Variants in ARHGAP33 observed in about 807,000 individuals in gnomAD.
The protein encoded by ARHGAP33 is Rho GTPase activating protein 33.
ARHGAP33 carries 57 observed loss-of-function variants against 126.2 expected under a neutral mutation model. The ratio of observed to expected loss-of-function variants is 0.45; its 90% CI spans 0.36 to 0.56. The LOEUF (loss-of-function observed/expected upper bound fraction) is 0.56. ARHGAP33 is among the 20% of genes least tolerant of loss of function. The probability of loss-of-function intolerance (pLI) is 0.00; values close to 1 mark genes in which losing one functional copy is unlikely to be tolerated. For synonymous variants in ARHGAP33, 711 were observed against 755.0 expected, an observed-to-expected ratio of 0.94 and a Z score of 0.95; for missense variants, 1,500 against 1,748.3, an observed-to-expected ratio of 0.86 and a Z score of 2.53.
Position 35,781,081 on chromosome 19 carries a change from G to A in ARHGAP33, c.982+9G>A, listed in dbSNP as rs765284702. The stretch of plus-strand genomic sequence containing the variant: ...CAACTCAGGCCAGGATGGTGAGGCC[G>A]GGGCCCACCCACCCCACCCGTCACA... On this transcript the variant is annotated intron_variant, in intron 11 of 20. Transcript: ENST00000007510. The A allele has an allele frequency of 1.2e-4, 189 of 1,611,258 alleles. No individual in the cohort carries two copies. The highest frequency in any genetic ancestry group is 1.5e-4 in the Non-Finnish European group (182 of 1,179,550).
intron 16 of ARHGAP33, chr19:35,784,733 C>T: frequency 3.0e-6 from 4 of 1,352,362 alleles, no homozygotes; most frequent in African/African-American, 1.5e-5. Context: ...CCGCTGCCCT[C>T]GCTGGCTGCC....
Position 35,787,600 on chromosome 19 carries a change from C to T in ARHGAP33, c.3035C>T (p.Ala1012Val), listed in dbSNP as rs537289034. ...AGGGCAGGTGGCGGGGGCAGGGATG[C>T]GCCAGAGGCAGCAGCCCAGTCCCCA... ...QLRAGGGGRD[A>V]PEAAAQSPCS... The change falls in exon 21 of 21, where the codon GCG (alanine) becomes GTG (valine). Residue 1012 changes from alanine (A) to valine (V), a missense_variant. Physicochemically the swap from Ala to Val is moderately conservative, Grantham distance 64. This residue lies in a region of ARHGAP33 where 642 missense variants were observed against 634.0 expected (regional missense o/e 1.01). Coordinates refer to ENST00000007510, the MANE Select transcript of ARHGAP33 (RefSeq NM_001366178.1). The T allele has an allele frequency of 3.9e-5, 62 of 1,604,914 alleles. No individual in the cohort carries two copies. The South Asian group carries it at 4.3e-4, about 11-fold the overall frequency.
intron 6 of ARHGAP33, 173 bp downstream of exon 6, chr19:35,779,297 T>TGTGTGTGTGTGCAC: frequency 1.7e-6 from 1 of 572,318 alleles, no homozygotes; most frequent in Non-Finnish European, 3.1e-6. Context: ...TGTGTGAGCA[T>TGTGTGTGTGTGCAC]GTGTGTGTGT....
Position 35,787,331 on chromosome 19 carries a change from C to T in ARHGAP33, c.2766C>T (p.Gly922=), listed in dbSNP as rs946908052. ...AEQQSQQECG[G]TPPASQSPFH... is the part of the protein sequence containing the mutation. The stretch of plus-strand genomic sequence containing the variant: ...AACAGAGCCAGCAGGAGTGTGGGGG[C>T]ACCCCACCTGCTTCCCAATCCCCCT... The change falls in exon 21 of 21, where the codon GGC becomes GGT. Residue 922 remains glycine (G), a synonymous_variant. Coordinates refer to ENST00000007510, the MANE Select transcript of ARHGAP33 (RefSeq NM_001366178.1). The T allele has an allele frequency of 9.3e-6, 15 of 1,611,768 alleles. No homozygotes were observed. The highest frequency in any genetic ancestry group is 1.3e-5 in the African/African-American group (1 of 74,990).
chr19:35,784,803 G>A (rs562159187), intron 16 of ARHGAP33, 150 bp from the exon 17 acceptor site: 6 of 1,125,750 alleles, frequency 5.3e-6, no homozygotes, highest in East Asian at 1.5e-4. Context: ...CCTGCTGCCC[G>A]CCTGCTCCCG....
chr19:35,776,611 G>A (rs1208911790), intron 1 of ARHGAP33, among the ~76,000 whole-genome samples: 1 of 152,226 alleles, frequency 6.6e-6, no homozygotes, highest in Non-Finnish European at 1.5e-5. Context: ...TGCTGCGCGC[G>A]ACTGGGCTGG....
chr19:35,782,425 C>A lies in ARHGAP33; in HGVS notation c.1138C>A (p.Gln380Lys). Residue 380 changes from glutamine to lysine, a missense_variant, in exon 13 of 21, where the codon CAG becomes AAG. Around this residue, in one of 6 missense-constraint regions of ARHGAP33, gnomAD observed 281 missense variants for 413.7 expected, o/e 0.68. Transcript: ENST00000007510. This position sits in a 1 kb window ranked among gnomAD's most constrained non-coding sequence, Gnocchi z 4.1. ...GGAGCTGTCTGGCCCTGCATTCCTG[C>A]AGGACATCCACAGCGTGTCCTCCCT... ...IPELSGPAFL[Q>K]DIHSVSSLCK... 6.2e-7 allele frequency: 1 copy of A among 1,612,956 alleles called. No individual in the cohort carries two copies. Among genetic ancestry groups the A allele is most frequent in the Non-Finnish European group, 8.5e-7 (1 of 1,179,000 alleles).
At position 35,788,166 on chromosome 19, in the gene ARHGAP33, C is replaced by A. The variant is rs762235952; in HGVS notation, c.3601C>A (p.Pro1201Thr). The A allele has an allele frequency of 6.2e-7, 1 of 1,602,194 alleles. No homozygotes were observed. The highest frequency in any genetic ancestry group is 1.7e-5 in the Admixed American group (1 of 59,198). Residue 1201 changes from proline to threonine, a missense_variant, in exon 21 of 21, where the codon CCC (proline) becomes ACC (threonine). By Grantham distance (38) the Pro-to-Thr change is conservative. Transcript: ENST00000007510. ...CCCCCGAAGCCGTTCAGATCCCGGT[C>A]CCCCAGTCCCCCGCCTTCCCCAGAA... ...AHPRSRSDPG[P>T]PVPRLPQKQR...
In ARHGAP33 at chr19:35,787,585, G is replaced by GCGGGGGCAGGGATGCGC; in HGVS notation, c.3022_3038dup (p.Glu1014GlyfsTer165). On this transcript the variant is annotated frameshift_variant, in exon 21 of 21. Coordinates refer to ENST00000007510, the MANE Select transcript of ARHGAP33 (RefSeq NM_001366178.1). LOFTEE classifies it high-confidence loss of function. Reference sequence around the variant, plus strand: ...GTCAGTGCCCAGCTCAGGGCAGGTGGCGGGGGCAGGGATGCGCCAGAGGCA... The same window carrying GCGGGGGCAGGGATGCGC: ...GTCAGTGCCCAGCTCAGGGCAGGTGGCGGGGGCAGGGATGCGCCGGGGGCAGGGATGCGCCAGAGGCA... 3.1e-6 allele frequency: 5 copies of GCGGGGGCAGGGATGCGC among 1,608,396 alleles called. No individual in the cohort carries two copies. The highest frequency in any genetic ancestry group is 4.2e-6 in the Non-Finnish European group (5 of 1,178,310).
At position 35,787,371 on chromosome 19, in the gene ARHGAP33, T is replaced by C. The variant is rs1367294232; in HGVS notation, c.2806T>C (p.Ser936Pro). 1.2e-6 allele frequency: 2 copies of C among 1,608,666 alleles called. No individual in the cohort carries two copies. The highest frequency in any genetic ancestry group is 3.4e-5 in the Admixed American group (2 of 59,254). ...CCAATCCCCCTTCCACCGCTCGCTG[T>C]CTCTGGAGGTGGGCGGGGAGCCCCT... is the stretch of plus-strand genomic sequence containing the variant. ...ASQSPFHRSL[S>P]LEVGGEPLGT... Residue 936 changes from serine (S) to proline (P), a missense_variant, in exon 21 of 21, where the codon TCT becomes CCT. By Grantham distance (74) the Ser-to-Pro change is moderately conservative (BLOSUM62 -1). Around this residue, in one of 6 missense-constraint regions of ARHGAP33, gnomAD observed 642 missense variants for 634.0 expected, o/e 1.01. Transcript: ENST00000007510.
Position 35,780,003 on chromosome 19 carries a change from G to C in ARHGAP33, c.502-208G>C, listed in dbSNP as rs768290501. The C allele has an allele frequency of 1.1e-5, 8 of 720,118 alleles. No individual in the cohort carries two copies. In the African/African-American group the frequency reaches 1.4e-4, roughly 13 times the overall value. 44.6% of individuals were successfully genotyped at this position (720,118 alleles called of 1,614,324 possible). A position where few individuals can be genotyped will look rare whatever the true frequency, so the allele number is the denominator to read the frequency against. ...CCTGGGACATGTGAGGGGAAATAAA[G>C]GGGTTTTTCTTAGAGGTTTCCCCAC... is the stretch of plus-strand genomic sequence containing the variant. On this transcript the variant is annotated intron_variant, in intron 6 of 20. Transcript: ENST00000007510.
chr19:35,776,817 A>G (rs1971482329), intron 1 of ARHGAP33, among the ~76,000 whole-genome samples: 1 of 152,190 alleles, frequency 6.6e-6, no homozygotes, highest in Non-Finnish European at 1.5e-5. Flanking sequence ...TGGTCAAGGC[A>G]TGGAACCTGG....
At chr19:35,781,735 C>T (rs1198879195) in intron 12 of ARHGAP33, among the ~76,000 whole-genome samples, 1 of 152,084 alleles carries the variant, frequency 6.6e-6, no homozygotes, top group East Asian at 1.9e-4. Flanking sequence ...GCAAAGGGAA[C>T]AGCAACAGGA....
rs750833970 is a variant in ARHGAP33 at position 35,787,424 on chromosome 19, C to T, written c.2859C>T (p.Pro953=). Residue 953 remains proline, a synonymous_variant, in exon 21 of 21, where the codon CCC becomes CCT. Transcript: ENST00000007510. ...PLGTSGSGPP[P]NSLAHPGAWV... is the part of the protein sequence containing the mutation. ...GGACCTCAGGGAGTGGGCCACCTCC[C>T]AACTCCCTAGCACACCCGGGTGCCT... The T allele has an allele frequency of 6.2e-7, 1 of 1,611,572 alleles. No individual in the cohort carries two copies. The highest frequency in any genetic ancestry group is 8.5e-7 in the Non-Finnish European group (1 of 1,178,974).
At chr19:35,783,035 T>G (rs1005525599) in intron 15 of ARHGAP33, 166 bp downstream of exon 15, 2 of 614,536 alleles carry the variant, frequency 3.3e-6, no homozygotes, top group African/African-American at 3.7e-5. Flanking sequence ...AGCATGGCCC[T>G]GTCCTCCTGG....
chr19:35,785,078 C>T lies in ARHGAP33; in HGVS notation c.1693C>T (p.Pro565Ser). 5.1e-6 allele frequency: 8 copies of T among 1,571,884 alleles called. No individual in the cohort carries two copies. Among genetic ancestry groups the T allele is most frequent in the African/African-American group, 1.3e-5 (1 of 74,316 alleles). ...RLGTPTEPTT[P>S]KAPASPAERR... is the part of the protein sequence containing the mutation. The stretch of plus-strand genomic sequence containing the variant: ...GGGGACGCCCACGGAGCCCACAACT[C>T]CCAAGGCCCCGGCCTCACCTGCGGA... The change falls in exon 17 of 21, where the codon CCC (proline) becomes TCC (serine). Residue 565 changes from proline (P) to serine (S), a missense_variant. By Grantham distance (74) the Pro-to-Ser change is moderately conservative. Transcript: ENST00000007510.
intron 6 of ARHGAP33, chr19:35,779,874 C>G: frequency 2.1e-6 from 1 of 487,280 alleles, no homozygotes; most frequent in Non-Finnish European, 4.0e-6. Context: ...ACGCCCAGCA[C>G]AGAGAGATTT....
chr19:35,780,295 C>T lies in ARHGAP33; in HGVS notation c.586C>T (p.Arg196Trp), dbSNP rs767579624. 1 of 1,613,832 alleles carries T rather than the reference C, an allele frequency of 6.2e-7. No individual in the cohort carries two copies. Among genetic ancestry groups the T allele is most frequent in the Non-Finnish European group, 8.5e-7 (1 of 1,180,030 alleles). Residue 196 changes from arginine (R) to tryptophan (W), a missense_variant, in exon 7 of 21, where the codon CGG becomes TGG. Transcript: ENST00000007510. ...PAVAAAHVIK[R>W]YTAQAPDELS... ...AGTGGCGGCCGCCCATGTGATCAAA[C>T]GGTATACAGCCCAGGCGCCAGATGA...
chr19:35,785,130 G>A, intron 17 of ARHGAP33, 24 bp downstream of exon 17: 1 of 1,589,642 alleles, frequency 6.3e-7, no homozygotes, highest in Non-Finnish European at 8.6e-7. Flanking sequence ...TGGGGGTGGC[G>A]AGGGGCAGGT....
Sources: allele counts gnomAD v4.1 joint callset (sites outside exome capture counted in the v4.1 genomes callset), GRCh38; gene constraint gnomAD v4.1.1; regional missense constraint gnomAD v4.1.1; non-coding constraint Gnocchi (gnomAD v3.1); transcripts MANE v1.5; gene names NCBI Gene and HGNC (gene_info 2026-07-23, HGNC 2026-07-21).